Variants in ZNF787 observed in about 807,000 individuals in gnomAD.
The protein encoded by ZNF787 is zinc finger protein 787, also known as TTF-I-interacting peptide 20.
A neutral mutation model predicts 16.9 loss-of-function variants in ZNF787; 7 were observed. The observed-to-expected ratio is 0.42, with a 90% confidence interval of 0.24 to 0.78. The LOEUF is 0.78. Ranked by LOEUF, ZNF787 falls within the 30% of genes least tolerant of loss-of-function variation. The pLI is 0.30. For missense variants in ZNF787, 551 were observed against 589.3 expected, an observed-to-expected ratio of 0.94 and a Z score of 0.67; for synonymous variants, 345 against 270.9, an observed-to-expected ratio of 1.27 and a Z score of -2.69.
Position 56,112,835 on chromosome 19 carries a change from T to C in ZNF787, c.-11+8337A>G, listed in dbSNP as rs569363635. On this transcript the variant is annotated intron_variant, in intron 1 of 2. Transcript: ENST00000610935. ...CCATGCACCCCATGTGGCCCTGCCT[T>C]TGTGGGGCGGGGGAGGAGCTCTGGG... Among the ~76,000 whole-genome samples, 730 of 152,036 alleles carry C rather than the reference T, an allele frequency of 4.8e-3. 9 individuals carry two copies. The highest frequency in any genetic ancestry group is 0.017 in the African/African-American group (690 of 41,438).
intron 1 of ZNF787, among the ~76,000 whole-genome samples, chr19:56,116,102 A>C (rs1474099691): frequency 2.0e-5 from 3 of 152,038 alleles, no homozygotes; most frequent in Non-Finnish European, 4.4e-5. Flanking sequence ...AAATCTGTGC[A>C]TCTTCCTCTC....
intron 2 of ZNF787, among the ~76,000 whole-genome samples, chr19:56,097,902 G>T (rs1490954817): frequency 6.6e-6 from 1 of 152,144 alleles, no homozygotes; most frequent in East Asian, 1.9e-4. Flanking sequence ...GGGTGGGGAG[G>T]TTCAAACCTT....
At chr19:56,103,335 C>A in intron 1 of ZNF787, 108 bp from the exon 2 acceptor site, 1 of 973,076 alleles carries the variant, frequency 1.0e-6, no homozygotes, top group African/African-American at 1.7e-5. Flanking sequence ...GGCACAGCGC[C>A]CGGCAGACAA....
rs1279752746 is a variant in ZNF787 at position 56,088,240 on chromosome 19, C to A, written c.932G>T (p.Gly311Val). 2 of 1,479,764 alleles carry A rather than the reference C, an allele frequency of 1.4e-6. No individual in the cohort carries two copies. The highest frequency in any genetic ancestry group is 1.5e-5 in the African/African-American group (1 of 67,884). The allele number at this position is 1,479,764 out of a possible 1,614,324, so 91.7% of individuals were successfully genotyped here. A position where few individuals can be genotyped will look rare whatever the true frequency, so the allele number is the denominator to read the frequency against. Residue 311 changes from glycine to valine, a missense_variant, in exon 3 of 3, where the codon GGG (glycine) becomes GTG (valine). Gly to Val is a moderately radical substitution (Grantham distance 109). Coordinates refer to ENST00000610935, the MANE Select transcript of ZNF787 (RefSeq NM_001002836.4). The surrounding 1 kb of genome is among the most constrained non-coding windows in gnomAD (Gnocchi z 8.6). ...AQHGDGLGAA[G>V]GEEPAHICVE... is the part of the protein sequence containing the mutation. ...GCAGATGTGGGCCGGCTCCTCGCCC[C>A]CCGCCGCCCCGAGCCCGTCCCCGTG...
intron 1 of ZNF787, among the ~76,000 whole-genome samples, chr19:56,115,435 T>C (rs2123430699): frequency 6.9e-6 from 1 of 144,376 alleles, no homozygotes; most frequent in South Asian, 2.3e-4. Flanking sequence ...CTCGGCTCAC[T>C]GCAAGCTCCG....
Position 56,088,381 on chromosome 19 carries a change from G to T in ZNF787, c.791C>A (p.Ala264Glu). The part of the protein sequence containing the change: ...AAAAAMAGAG[A>E]KAAGPRSRRA... ...CCGCGACCGGGGCCCCGCGGCCTTT[G>T]CCCCCGCGCCCGCCATGGCTGCCGC... The change falls in exon 3 of 3, where the codon GCA (alanine) becomes GAA (glutamate). Residue 264 changes from alanine (A) to glutamate (E), a missense_variant. Transcript: ENST00000610935. This position sits in a 1 kb window ranked among gnomAD's most constrained non-coding sequence, Gnocchi z 8.6. 9 of 1,093,594 alleles carry T rather than the reference G, an allele frequency of 8.2e-6. No individual in the cohort carries two copies. Among genetic ancestry groups the T allele is most frequent in the Non-Finnish European group, 1.0e-5 (9 of 898,054 alleles). The allele number at this position is 1,093,594 out of a possible 1,614,324, so 67.7% of individuals were successfully genotyped here.
chr19:56,113,289 G>A (rs141544999), intron 1 of ZNF787, among the ~76,000 whole-genome samples: 38 of 152,238 alleles, frequency 2.5e-4, no homozygotes, highest in Admixed American at 3.9e-4. Context: ...TGGTGCGGGC[G>A]CCATAGGAAA....
In ZNF787 at chr19:56,088,911, C is replaced by T. The variant is rs750101073; in HGVS notation, c.261G>A (p.Thr87=). The part of the protein sequence containing the change: ...HWSKLTRHQR[T]HTGERPNACA... ...AGGCGTTGGGCCGCTCGCCGGTGTG[C>T]GTGCGCTGGTGCCGCGTCAGCTTGG... The change falls in exon 3 of 3, where the codon ACG becomes ACA. Residue 87 remains threonine (T), a synonymous_variant. Transcript: ENST00000610935. The surrounding 1 kb of genome is among the most constrained non-coding windows in gnomAD (Gnocchi z 8.6). 8 of 1,596,268 alleles carry T rather than the reference C, an allele frequency of 5.0e-6. No individual in the cohort carries two copies. In the South Asian group the frequency reaches 7.9e-5, roughly 16 times the overall value.
intron 2 of ZNF787, among the ~76,000 whole-genome samples, chr19:56,097,231 C>T (rs548233766): frequency 4.6e-5 from 7 of 152,286 alleles, no homozygotes; most frequent in East Asian, 1.9e-4. Context: ...GCACACAGGA[C>T]GTGATTATGA....
chr19:56,098,458 A>ATGGAGCCTAGGTGATATGGCCACC (rs1985954157), intron 2 of ZNF787, among the ~76,000 whole-genome samples: 1 of 149,170 alleles, frequency 6.7e-6, no homozygotes, highest in African/African-American at 2.5e-5. Context: ...ATACGGCCGC[A>ATGGAGCCTAGGTGATATGGCCACC]GGGTGATTAC....
chr19:56,118,047 G>A (rs764020491), intron 1 of ZNF787, among the ~76,000 whole-genome samples: 4 of 152,248 alleles, frequency 2.6e-5, no homozygotes, highest in Non-Finnish European at 5.9e-5. Context: ...CAAGTTGCCA[G>A]GTCCCTTGCA....
At chr19:56,116,894 A>G (rs2030153172) in intron 1 of ZNF787, among the ~76,000 whole-genome samples, 1 of 152,190 alleles carries the variant, frequency 6.6e-6, no homozygotes, top group African/African-American at 2.4e-5. Context: ...ACAAAAGATC[A>G]CACTCATCAA....
intron 1 of ZNF787, chr19:56,103,512 T>C: frequency 2.5e-6 from 1 of 396,504 alleles, no homozygotes; most frequent in Non-Finnish European, 4.5e-6. Context: ...ACTCCCCAGC[T>C]GGACCTGGGG....
At chr19:56,101,395 G>A (rs1454591930) in intron 2 of ZNF787, among the ~76,000 whole-genome samples, 1 of 152,262 alleles carries the variant, frequency 6.6e-6, no homozygotes, top group African/African-American at 2.4e-5. Context: ...CCTGGTGGGG[G>A]ACAGGACTCC....
chr19:56,104,499 G>A (rs62122451), intron 1 of ZNF787, among the ~76,000 whole-genome samples: 15,033 of 146,216 alleles, frequency 0.1, 1,212 homozygotes, highest in East Asian at 0.3. Flanking sequence ...GCCGACCCGT[G>A]CCACGCACAG....
intron 1 of ZNF787, among the ~76,000 whole-genome samples, chr19:56,115,428 G>A (rs1167459383): frequency 2.1e-5 from 3 of 144,338 alleles, no homozygotes; most frequent in Non-Finnish European, 3.0e-5. Context: ...GCGCGATCTC[G>A]GCTCACTGCA....
chr19:56,095,735 C>T (rs942991716), intron 2 of ZNF787, among the ~76,000 whole-genome samples: 2 of 152,242 alleles, frequency 1.3e-5, no homozygotes, highest in African/African-American at 4.8e-5. Flanking sequence ...GCCCCAGCCC[C>T]TTTTGGGCCT....
intron 2 of ZNF787, among the ~76,000 whole-genome samples, chr19:56,090,691 G>A (rs886991881): frequency 3.3e-5 from 5 of 152,160 alleles, no homozygotes; most frequent in African/African-American, 4.8e-5. Context: ...GCGTGGTGGC[G>A]CATGCCTGTA....
intron 2 of ZNF787, among the ~76,000 whole-genome samples, chr19:56,096,737 T>C (rs763719041): frequency 6.6e-6 from 1 of 151,784 alleles, no homozygotes; most frequent in African/African-American, 2.4e-5. Flanking sequence ...TAAATAAAAA[T>C]AAAACAAAAT....
Sources: allele counts gnomAD v4.1 joint callset (sites outside exome capture counted in the v4.1 genomes callset), GRCh38; gene constraint gnomAD v4.1.1; non-coding constraint Gnocchi (gnomAD v3.1); transcripts MANE v1.5; gene names NCBI Gene and HGNC (gene_info 2026-07-23, HGNC 2026-07-21).